P2RY14: variants seen among roughly 807,000 people sequenced by gnomAD.
P2RY14 encodes purinergic receptor P2Y14, also known as P2Y purinoceptor 14.
Under a neutral mutation model 0.9 loss-of-function variants are expected in P2RY14, and 2 were observed. The observed-to-expected ratio is 2.16, with a 90% CI of 0.88 to 6.79. The LOEUF (loss-of-function observed/expected upper bound fraction) is 6.79, where lower values mean the gene tolerates loss of function less well. P2RY14 is among the 30% of genes most tolerant of loss of function. The pLI is 0.05. For missense variants in P2RY14, 378 were observed against 400.1 expected, an observed-to-expected ratio of 0.94 and a Z score of 0.47; for synonymous variants, 158 against 147.2, an observed-to-expected ratio of 1.07 and a Z score of -0.53.
intron 1 of P2RY14, chr3:151,269,466 C>G (rs1051836614): frequency 7.9e-6 from 2 of 252,898 alleles, no homozygotes; most frequent in African/African-American, 5.0e-5. Flanking sequence ...AATGAACAAG[C>G]CAGTGGGGAG....
intron 1 of P2RY14, among the ~76,000 whole-genome samples, chr3:151,275,176 T>G (rs1741637004): frequency 6.6e-6 from 1 of 152,100 alleles, no homozygotes; most frequent in South Asian, 2.1e-4. Context: ...AATAATTGCG[T>G]GTGTATGATC....
chr3:151,244,152 C>G (rs1171709071), intron 1 of P2RY14, among the ~76,000 whole-genome samples: 2 of 130,138 alleles, frequency 1.5e-5, no homozygotes, highest in Admixed American at 8.0e-5. Flanking sequence ...ACTTAGACTC[C>G]CACACATTAA....
chr3:151,236,694 A>G (rs1732891431), intron 1 of P2RY14, among the ~76,000 whole-genome samples: 1 of 152,210 alleles, frequency 6.6e-6, no homozygotes, highest in South Asian at 2.1e-4. Context: ...GAATGAAGTT[A>G]TGATTTTAAA....
chr3:151,269,198 C>T (rs1221589862), intron 1 of P2RY14, among the ~76,000 whole-genome samples: 2 of 152,112 alleles, frequency 1.3e-5, no homozygotes, highest in African/African-American at 4.8e-5. Flanking sequence ...GTCGGGAGTT[C>T]GAGACCAGCC....
chr3:151,223,866 C>T (rs959157550), intron 1 of P2RY14, among the ~76,000 whole-genome samples: 8 of 152,190 alleles, frequency 5.3e-5, no homozygotes, highest in Admixed American at 4.6e-4. Context: ...ACATTGCCTA[C>T]TCCTGGGGAG....
rs1727552919 is a variant in P2RY14 at position 151,213,507 on chromosome 3, T to TTTTGACTGGCAGC, written c.797_809dup (p.Glu271LeufsTer37). ...ATTCTTTCATATACCGCAAGATTTC[T>TTTTGACTGGCAGC]TTTGACTGGCAGCTGTAATGAGCTT... On this transcript the variant is annotated frameshift_variant, in exon 3 of 3. Coordinates refer to ENST00000309170, the MANE Select transcript of P2RY14 (RefSeq NM_014879.4). LOFTEE classifies it high-confidence loss of function. 1.9e-6 allele frequency: 3 copies of TTTTGACTGGCAGC among 1,614,048 alleles called. No homozygotes were observed. In the Admixed American group the frequency reaches 5.0e-5, roughly 27 times the overall value.
At chr3:151,242,434 G>A (rs1440189965) in intron 1 of P2RY14, among the ~76,000 whole-genome samples, 16 of 152,192 alleles carry the variant, frequency 1.1e-4, no homozygotes, top group South Asian at 2.1e-4. Flanking sequence ...TCTGAGAACC[G>A]GCAGACTGCC....
At chr3:151,275,198 C>A (rs574161866) in intron 1 of P2RY14, among the ~76,000 whole-genome samples, 1 of 152,152 alleles carries the variant, frequency 6.6e-6, no homozygotes, top group Non-Finnish European at 1.5e-5. Context: ...TGGAGAGTAT[C>A]GAGGATCAGA....
rs541170570 is a variant in P2RY14 at position 151,229,457 on chromosome 3, C to T, written c.-132-9815G>A. Among the ~76,000 whole-genome samples, 14 of 150,066 alleles carry T rather than the reference C, an allele frequency of 9.3e-5. No homozygotes were observed. In the South Asian group the frequency reaches 2.3e-3, roughly 25 times the overall value. ...GAGTAGCTGGGACTACAGGCTCGTG[C>T]CACCATGCCCGGCTAATTTTTTTTT... is the stretch of plus-strand genomic sequence containing the variant. On this transcript the variant is annotated intron_variant, in intron 1 of 2. Transcript: ENST00000309170.
At chr3:151,273,402 A>ATT (rs531443713) in intron 1 of P2RY14, among the ~76,000 whole-genome samples, 20,412 of 113,510 alleles carry the variant, frequency 0.18, 3,167 homozygotes, top group African/African-American at 0.4. Flanking sequence ...TAATTTTTGT[A>ATT]TTTTTTTTTT....
At chr3:151,246,216 A>G (rs913218489) in intron 1 of P2RY14, among the ~76,000 whole-genome samples, 4 of 152,234 alleles carry the variant, frequency 2.6e-5, no homozygotes, top group African/African-American at 9.7e-5. Flanking sequence ...TATAGATTCA[A>G]TGCCATCCCC....
At chr3:151,245,592 A>T (rs1309427455) in intron 1 of P2RY14, among the ~76,000 whole-genome samples, 1 of 150,640 alleles carries the variant, frequency 6.6e-6, no homozygotes, top group South Asian at 2.1e-4. Flanking sequence ...AAAACTCTCA[A>T]TAAATTAGGT....
chr3:151,270,243 T>TGTGTGTG (rs1559964090), intron 1 of P2RY14: 1 of 25,484 alleles, frequency 3.9e-5, no homozygotes, highest in Non-Finnish European at 9.8e-5. Context: ...GTGTGTGTGT[T>TGTGTGTG]TTCTTTTGGG....
intron 1 of P2RY14, among the ~76,000 whole-genome samples, chr3:151,275,965 T>C (rs1741783398): frequency 6.6e-6 from 1 of 152,170 alleles, no homozygotes; most frequent in Non-Finnish European, 1.5e-5. Flanking sequence ...AAATCCCAAG[T>C]AGTAGACAGC....
intron 1 of P2RY14, among the ~76,000 whole-genome samples, chr3:151,261,685 G>GTGTTTTGTTTTGTTTTGTTTTGTTT (rs10627724): frequency 1.8e-4 from 27 of 148,640 alleles, no homozygotes; most frequent in African/African-American, 6.3e-4. Flanking sequence ...GTGGTACGTG[G>GTGTTTTGTTTTGTTTTGTTTTGTTT]TGTTTTGTTT....
rs1414195767 is a variant in P2RY14, at chr3:151,271,543, CTTATA to C, written c.-133+6739_-133+6743del. The stretch of plus-strand genomic sequence containing the variant: ...GTGAAAGTGTATGTCCATAGAAAGA[CTTATA>C]TTAGAATATTCATAGCAACTCTTTT... On this transcript the variant is annotated intron_variant, in intron 1 of 2. Transcript: ENST00000309170. Among the ~76,000 whole-genome samples the C allele has an allele frequency of 1.1e-4, 17 of 152,242 alleles. No homozygotes were observed. The East Asian group carries it at 3.1e-3, about 28-fold the overall frequency.
At chr3:151,241,473 C>G (rs941394570) in intron 1 of P2RY14, among the ~76,000 whole-genome samples, 1 of 152,094 alleles carries the variant, frequency 6.6e-6, no homozygotes, top group African/African-American at 2.4e-5. Flanking sequence ...GTTGAAGAAA[C>G]ACTAAAGGCA....
chr3:151,215,118 T>C (rs1291177924), intron 2 of P2RY14, among the ~76,000 whole-genome samples: 7 of 152,128 alleles, frequency 4.6e-5, no homozygotes, highest in African/African-American at 1.7e-4. Flanking sequence ...TTGAGCTTTT[T>C]TTTTTTCCCA....
In P2RY14 at chr3:151,224,446, C is replaced by CTT. The variant is rs80099332; in HGVS notation, c.-132-4806_-132-4805dup. Among the ~76,000 whole-genome samples the CTT allele has an allele frequency of 9.8e-5, 14 of 143,188 alleles. No individual in the cohort carries two copies. The East Asian group carries it at 1.4e-3, about 14-fold the overall frequency. The allele number at this position is 143,188 out of a possible 152,430, so 93.9% of individuals were successfully genotyped here. ...ATCTCTCATGCCTTAATGTTTAACA[C>CTT]TTTTTTTTTTTTTGGTGTCAATGTG... On this transcript the variant is annotated intron_variant, in intron 1 of 2. Transcript: ENST00000309170.
Sources: allele counts gnomAD v4.1 joint callset (sites outside exome capture counted in the v4.1 genomes callset), GRCh38; gene constraint gnomAD v4.1.1; transcripts MANE v1.5; gene names NCBI Gene and HGNC (gene_info 2026-07-23, HGNC 2026-07-21).